ASB18: variants seen among roughly 807,000 people sequenced by gnomAD.
ASB18 encodes ankyrin repeat and SOCS box protein 18.
Under a neutral mutation model 33.4 loss-of-function variants are expected in ASB18, and 33 were observed. That is an observed-to-expected ratio of 0.99 (90% confidence interval 0.75 to 1.32). The LOEUF (loss-of-function observed/expected upper bound fraction) is 1.32. Among genes scored for constraint, ASB18 ranks in the 40% most tolerant of loss-of-function variants. ASB18 has a pLI of 0.00. For missense variants in ASB18, 694 were observed against 655.5 expected (o/e 1.06, Z -0.64); for synonymous variants, 295 against 307.6 (o/e 0.96, Z 0.43).
rs2060579396 is a variant in ASB18, at chr2:236,234,299, G to A, written c.596+3390C>T. On this transcript the variant is annotated intron_variant, in intron 3 of 5. Transcript: ENST00000409749. This position sits in a 1 kb window ranked among gnomAD's most constrained non-coding sequence, Gnocchi z 4.1. ...GGTTTCTCAATGCCTTCTGGATCCT[G>A]AGGAGGCAGGGACCTTCCTGCTTCA... 6.6e-6 allele frequency among the ~76,000 whole-genome samples: 1 copy of A among 152,214 alleles called. No homozygotes were observed. Among genetic ancestry groups the A allele is most frequent in the South Asian group, 2.1e-4 (1 of 4,824 alleles).
intron 4 of ASB18, among the ~76,000 whole-genome samples, chr2:236,207,622 A>G (rs1490455565): frequency 6.6e-6 from 1 of 151,042 alleles, no homozygotes; most frequent in Non-Finnish European, 1.5e-5. Flanking sequence ...GGAGACGTGG[A>G]GGGAGGGGGA....
In ASB18 at chr2:236,253,374, T is replaced by C. The variant is rs1204308849; in HGVS notation, c.205+10767A>G. 6.6e-6 allele frequency among the ~76,000 whole-genome samples: 1 copy of C among 152,126 alleles called. No individual in the cohort carries two copies. The highest frequency in any genetic ancestry group is 2.4e-5 in the African/African-American group (1 of 41,436). ...ATTCTCATTCAAGGGGCTCAGTCTTTATTTTTGTTTTTATTTTTTTAAGGA... is the reference window on the plus strand; with the variant it reads ...ATTCTCATTCAAGGGGCTCAGTCTTCATTTTTGTTTTTATTTTTTTAAGGA... On this transcript the variant is annotated intron_variant, in intron 1 of 5. Transcript: ENST00000409749. This position sits in a 1 kb window ranked among gnomAD's most constrained non-coding sequence, Gnocchi z 5.4.
rs2060700011 is a variant in ASB18, at chr2:236,257,832, T to C, written c.205+6309A>G. Among the ~76,000 whole-genome samples the C allele has an allele frequency of 6.6e-6, 1 of 152,168 alleles. No homozygotes were observed. Among genetic ancestry groups the C allele is most frequent in the Admixed American group, 6.5e-5 (1 of 15,284 alleles). On this transcript the variant is annotated intron_variant, in intron 1 of 5. Transcript: ENST00000409749. This position sits in a 1 kb window ranked among gnomAD's most constrained non-coding sequence, Gnocchi z 5.5. ...ACGGGAAAGGGCACTGGGTTTACAGTGCCAATTGTCTGTGGAACCCAAGGT... is the reference window on the plus strand; with the variant it reads ...ACGGGAAAGGGCACTGGGTTTACAGCGCCAATTGTCTGTGGAACCCAAGGT...
intron 4 of ASB18, among the ~76,000 whole-genome samples, chr2:236,212,489 C>T (rs1038692054): frequency 2.6e-5 from 4 of 152,108 alleles, no homozygotes; most frequent in Non-Finnish European, 4.4e-5. Flanking sequence ...TATTTCTAGT[C>T]GCTACTGAAA....
At position 236,255,639 on chromosome 2, in the gene ASB18, TAA is replaced by T. The variant is rs1191197222; in HGVS notation, c.205+8500_205+8501del. 6.6e-6 allele frequency among the ~76,000 whole-genome samples: 1 copy of T among 152,214 alleles called. No individual in the cohort carries two copies. Among genetic ancestry groups the T allele is most frequent in the African/African-American group, 2.4e-5 (1 of 41,456 alleles). ...TCCTCTATCTTCTGCTTTACCTAAG[TAA>T]AAGAGTCAGGTGTTTTCTTTCCAAA... is the stretch of plus-strand genomic sequence containing the variant. On this transcript the variant is annotated intron_variant, in intron 1 of 5. Transcript: ENST00000409749. The surrounding 1 kb of genome is among the most constrained non-coding windows in gnomAD (Gnocchi z 4.4).
rs1343651401 is a variant in ASB18, at chr2:236,223,353, C to T, written c.597-8487G>A. Among the ~76,000 whole-genome samples, 2 of 152,146 alleles carry T rather than the reference C, an allele frequency of 1.3e-5. No individual in the cohort carries two copies. The highest frequency in any genetic ancestry group is 4.8e-5 in the African/African-American group (2 of 41,428). Reference sequence around the variant, plus strand: ...TAACATTTCTTTCTCTTTCTCTCATCCCCTGGTCCCAATATACTAGGTGAA... The same window carrying T: ...TAACATTTCTTTCTCTTTCTCTCATTCCCTGGTCCCAATATACTAGGTGAA... On this transcript the variant is annotated intron_variant, in intron 3 of 5. Transcript: ENST00000409749. This position sits in a 1 kb window ranked among gnomAD's most constrained non-coding sequence, Gnocchi z 4.6.
rs1015520565 is a variant in ASB18, at chr2:236,263,379, C to T, written c.205+762G>A. 2.6e-5 allele frequency among the ~76,000 whole-genome samples: 4 copies of T among 152,114 alleles called. No homozygotes were observed. The highest frequency in any genetic ancestry group is 1.3e-4 in the Admixed American group (2 of 15,274). ...TCCAGACCTGCAAAGAAAGGATGGG[C>T]GACAGGCAGTGAAGAATTACCAGTG... On this transcript the variant is annotated intron_variant, in intron 1 of 5. Transcript: ENST00000409749. The surrounding 1 kb of genome is among the most constrained non-coding windows in gnomAD (Gnocchi z 4.0).
intron 3 of ASB18, among the ~76,000 whole-genome samples, chr2:236,232,145 A>T (rs1352892572): frequency 6.6e-6 from 1 of 152,186 alleles, no homozygotes; most frequent in African/African-American, 2.4e-5. Flanking sequence ...AAAGGACTAA[A>T]GTCATACAAA....
intron 1 of ASB18, among the ~76,000 whole-genome samples, chr2:236,258,727 C>T (rs2060704415): frequency 6.6e-6 from 1 of 152,122 alleles, no homozygotes; most frequent in Non-Finnish European, 1.5e-5. Context: ...CATGTGTGCA[C>T]ATGTCCGTGG....
intron 4 of ASB18, among the ~76,000 whole-genome samples, chr2:236,202,790 A>ATAT (rs1274889195): frequency 7.7e-5 from 9 of 116,264 alleles, no homozygotes; most frequent in African/African-American, 3.3e-4. Context: ...AAAAAAAAAA[A>ATAT]AAAAATATAT....
Position 236,241,628 on chromosome 2 carries a change from G to T in ASB18, c.206-226C>A. On this transcript the variant is annotated intron_variant, in intron 1 of 5. Transcript: ENST00000409749. The surrounding 1 kb of genome is among the most constrained non-coding windows in gnomAD (Gnocchi z 4.2). Reference sequence around the variant, plus strand: ...CTCAATTGTCATCCAGTTGGGGCTCGATGGTGGTATATTTATAACTCCTGT... The same window carrying T: ...CTCAATTGTCATCCAGTTGGGGCTCTATGGTGGTATATTTATAACTCCTGT... 1 of 642,802 alleles carries T rather than the reference G, an allele frequency of 1.6e-6. No homozygotes were observed. Among genetic ancestry groups the T allele is most frequent in the Non-Finnish European group, 2.8e-6 (1 of 359,212 alleles). 39.8% of individuals were successfully genotyped at this position (642,802 alleles called of 1,614,324 possible).
chr2:236,251,394 G>C lies in ASB18; in HGVS notation c.206-9992C>G, dbSNP rs1171548067. ...CGAAGTTTCTTTACAACTGGCGTGG[G>C]GATTTAATTACATGATAAAATTGCA... On this transcript the variant is annotated intron_variant, in intron 1 of 5. Transcript: ENST00000409749. The surrounding 1 kb of genome is among the most constrained non-coding windows in gnomAD (Gnocchi z 5.3). Among the ~76,000 whole-genome samples, 2 of 152,136 alleles carry C rather than the reference G, an allele frequency of 1.3e-5. No homozygotes were observed. Among genetic ancestry groups the C allele is most frequent in the Non-Finnish European group, 2.9e-5 (2 of 68,032 alleles).
rs2060489552 is a variant in ASB18, at chr2:236,216,833, C to T, written c.597-1967G>A. On this transcript the variant is annotated intron_variant, in intron 3 of 5. Coordinates refer to ENST00000409749, the MANE Select transcript of ASB18 (RefSeq NM_212556.4). This position sits in a 1 kb window ranked among gnomAD's most constrained non-coding sequence, Gnocchi z 6.1. Reference sequence around the variant, plus strand: ...TCAGGACCCAGGACACATCATGATCCAGCTCCTGGGGGCTCACCGGGTTCA... The same window carrying T: ...TCAGGACCCAGGACACATCATGATCTAGCTCCTGGGGGCTCACCGGGTTCA... Among the ~76,000 whole-genome samples the T allele has an allele frequency of 6.6e-6, 1 of 152,208 alleles. No individual in the cohort carries two copies. The highest frequency in any genetic ancestry group is 2.1e-4 in the South Asian group (1 of 4,836).
chr2:236,252,733 G>C lies in ASB18; in HGVS notation c.206-11331C>G, dbSNP rs1260223504. On this transcript the variant is annotated intron_variant, in intron 1 of 5. Transcript: ENST00000409749. This position sits in a 1 kb window ranked among gnomAD's most constrained non-coding sequence, Gnocchi z 7.9. ...GGGCACCTGAGCAGGAAATGAAGCC[G>C]CCACAGACAGCAGACCTGTGATTCA... 6.6e-6 allele frequency among the ~76,000 whole-genome samples: 1 copy of C among 152,092 alleles called. No individual in the cohort carries two copies. Among genetic ancestry groups the C allele is most frequent in the Non-Finnish European group, 1.5e-5 (1 of 68,022 alleles).
At chr2:236,199,887 T>C (rs188795622) in intron 4 of ASB18, among the ~76,000 whole-genome samples, 5 of 152,316 alleles carry the variant, frequency 3.3e-5, no homozygotes, top group Non-Finnish European at 7.4e-5. Flanking sequence ...GCCTGGCATT[T>C]AGCTGCAGGT....
rs1483543411 is a variant in ASB18, at chr2:236,209,609, A to G, written c.1101+4753T>C. ...CCAACCTCCATCCCCCATGCAAGCTATGTGAATCCCTTACCTGGACTGCCA... is the reference window on the plus strand; with the variant it reads ...CCAACCTCCATCCCCCATGCAAGCTGTGTGAATCCCTTACCTGGACTGCCA... On this transcript the variant is annotated intron_variant, in intron 4 of 5. Transcript: ENST00000409749. This position sits in a 1 kb window ranked among gnomAD's most constrained non-coding sequence, Gnocchi z 4.4. Among the ~76,000 whole-genome samples, 1 of 152,172 alleles carries G rather than the reference A, an allele frequency of 6.6e-6. No homozygotes were observed. Among genetic ancestry groups the G allele is most frequent in the East Asian group, 1.9e-4 (1 of 5,196 alleles).
chr2:236,264,007 G>T lies in ASB18; in HGVS notation c.205+134C>A. The stretch of plus-strand genomic sequence containing the variant: ...ATGCAGTACACATATATGCATGTAT[G>T]TATGAGAGTCAGATATCCGAGTACA... On this transcript the variant is annotated intron_variant, in intron 1 of 5. Transcript: ENST00000409749. This position sits in a 1 kb window ranked among gnomAD's most constrained non-coding sequence, Gnocchi z 5.1. The T allele has an allele frequency of 1.4e-6, 1 of 718,322 alleles. No homozygotes were observed. The highest frequency in any genetic ancestry group is 2.4e-6 in the Non-Finnish European group (1 of 419,414). The allele number at this position is 718,322 out of a possible 1,614,324, so 44.5% of individuals were successfully genotyped here. A position where few individuals can be genotyped will look rare whatever the true frequency, so the allele number is the denominator to read the frequency against.
In ASB18 at chr2:236,209,773, G is replaced by C. The variant is rs1050557264; in HGVS notation, c.1101+4589C>G. Among the ~76,000 whole-genome samples, 1 of 152,198 alleles carries C rather than the reference G, an allele frequency of 6.6e-6. No homozygotes were observed. The highest frequency in any genetic ancestry group is 1.5e-5 in the Non-Finnish European group (1 of 68,032). On this transcript the variant is annotated intron_variant, in intron 4 of 5. Transcript: ENST00000409749. This position sits in a 1 kb window ranked among gnomAD's most constrained non-coding sequence, Gnocchi z 4.4. ...CAACTCCCAATATTCCAAAGTCAGA[G>C]GCCCAGGCCCTTAAGGCCCTGCCTG...
chr2:236,236,697 G>A (rs2060591006), intron 3 of ASB18, among the ~76,000 whole-genome samples: 2 of 151,974 alleles, frequency 1.3e-5, no homozygotes, highest in Admixed American at 6.6e-5. Context: ...CAGCAGTCCC[G>A]CCTGCCTGCG....
Sources: gnomAD v4.1 joint callset for allele counts (sites outside exome capture counted in the v4.1 genomes callset) on GRCh38, gnomAD v4.1.1 for gene constraint, Gnocchi (gnomAD v3.1) non-coding constraint, MANE v1.5 for transcripts, NCBI Gene and HGNC (gene_info 2026-07-23, HGNC 2026-07-21) for gene names.